Variants in TSHZ2 observed in about 807,000 individuals in gnomAD.
TSHZ2 encodes teashirt homolog 2.
Under a neutral mutation model 74.4 loss-of-function variants are expected in TSHZ2, and 21 were observed. The ratio of observed to expected loss-of-function variants is 0.28; its 90% CI spans 0.20 to 0.41. The LOEUF is 0.41. TSHZ2 is among the 10% of genes least tolerant of loss of function. TSHZ2 has a pLI of 1.00. For synonymous variants in TSHZ2, 540 were observed against 515.3 expected (o/e 1.05, Z -0.65); for missense variants, 1,244 against 1,293.5 (o/e 0.96, Z 0.59).
intron 2 of TSHZ2, among the ~76,000 whole-genome samples, chr20:53,433,396 G>C (rs542894314): frequency 1.7e-3 from 257 of 150,194 alleles, no homozygotes; most frequent in African/African-American, 6.2e-3. Context: ...ACATTAAATG[G>C]GTGTCGTAGC....
chr20:53,234,823 T>C (rs1218674560), intron 1 of TSHZ2, among the ~76,000 whole-genome samples: 1 of 152,158 alleles, frequency 6.6e-6, no homozygotes, highest in Non-Finnish European at 1.5e-5. Flanking sequence ...CATAGAAATC[T>C]GAGGGCCATG....
intron 1 of TSHZ2, among the ~76,000 whole-genome samples, chr20:53,202,686 T>C (rs1254956517): frequency 6.6e-6 from 1 of 152,214 alleles, no homozygotes; most frequent in African/African-American, 2.4e-5. Flanking sequence ...AAATTCTAAA[T>C]CTTTGCTCTT....
chr20:53,126,864 A>G (rs759198257), intron 1 of TSHZ2, among the ~76,000 whole-genome samples: 4 of 152,194 alleles, frequency 2.6e-5, no homozygotes, highest in Non-Finnish European at 4.4e-5. Context: ...AAATCTGAGC[A>G]ATCCATCAGG....
chr20:53,056,681 T>C (rs75023657), intron 1 of TSHZ2, among the ~76,000 whole-genome samples: 2,364 of 152,282 alleles, frequency 0.016, 63 homozygotes, highest in African/African-American at 0.049. Context: ...CAGATTACCA[T>C]CCTGTGTTCT....
intron 1 of TSHZ2, among the ~76,000 whole-genome samples, chr20:53,020,862 G>A (rs1035824612): frequency 2.0e-5 from 3 of 152,180 alleles, no homozygotes; most frequent in South Asian, 2.1e-4. Context: ...CATAGGCTCC[G>A]GAAACAGACC....
intron 2 of TSHZ2, among the ~76,000 whole-genome samples, chr20:53,308,327 T>C (rs1978632925): frequency 6.6e-6 from 1 of 152,180 alleles, no homozygotes; most frequent in African/African-American, 2.4e-5. Context: ...CTTGTTCTTC[T>C]GTAGAGTTCA....
intron 2 of TSHZ2, among the ~76,000 whole-genome samples, chr20:53,336,601 C>T (rs958591419): frequency 1.3e-5 from 2 of 152,148 alleles, no homozygotes; most frequent in African/African-American, 4.8e-5. Flanking sequence ...CACCCATGTT[C>T]TTTCCACCTC....
chr20:53,050,565 G>A (rs1984424723), intron 1 of TSHZ2, among the ~76,000 whole-genome samples: 1 of 152,232 alleles, frequency 6.6e-6, no homozygotes, highest in African/African-American at 2.4e-5. Context: ...AGAGACATTC[G>A]TAGGGAGCTG....
intron 1 of TSHZ2, among the ~76,000 whole-genome samples, chr20:53,220,554 C>T (rs1989529880): frequency 6.6e-6 from 1 of 152,148 alleles, no homozygotes; most frequent in Non-Finnish European, 1.5e-5. Context: ...CACAGCTGTG[C>T]CCCTTTATTG....
At chr20:53,072,343 C>CA (rs1204503090) in intron 1 of TSHZ2, among the ~76,000 whole-genome samples, 1 of 152,158 alleles carries the variant, frequency 6.6e-6, no homozygotes, top group African/African-American at 2.4e-5. Flanking sequence ...GGGTATACCA[C>CA]AAAATCATAA....
chr20:53,316,378 C>T (rs1386001394), intron 2 of TSHZ2, among the ~76,000 whole-genome samples: 3 of 152,102 alleles, frequency 2.0e-5, no homozygotes, highest in African/African-American at 4.8e-5. Flanking sequence ...AAAAAGAACC[C>T]TCCAGGAGCC....
At chr20:53,421,169 T>A (rs1983454773) in intron 2 of TSHZ2, 1 of 152,498 alleles carries the variant, frequency 6.6e-6, no homozygotes, top group African/African-American at 2.4e-5. Context: ...ACTCACTGAC[T>A]CCATCTAAAA....
Position 53,102,567 on chromosome 20 carries a change from T to G in TSHZ2, c.40+129234T>G, listed in dbSNP as rs148449826. ...ACCGTAAAGAGTGAAGGGTGCAATT[T>G]ACGGAGAGTAGAAACAACCTTTGCA... On this transcript the variant is annotated intron_variant, in intron 1 of 2. Coordinates refer to ENST00000371497, the MANE Select transcript of TSHZ2 (RefSeq NM_173485.6). Among the ~76,000 whole-genome samples the G allele has an allele frequency of 1.6e-4, 24 of 152,154 alleles. No homozygotes were observed. In the East Asian group the frequency reaches 3.5e-3, roughly 22 times the overall value.
At chr20:53,050,101 G>GTATATATATA (rs1213487235) in intron 1 of TSHZ2, among the ~76,000 whole-genome samples, 53 of 60,452 alleles carry the variant, frequency 8.8e-4, no homozygotes, top group African/African-American at 7.0e-3. Context: ...ATGTATATGT[G>GTATATATATA]TGTATATATA....
Position 52,988,613 on chromosome 20 carries a change from C to T in TSHZ2, c.40+15280C>T, listed in dbSNP as rs146712226. ...GTAGAAAAAAAAAAAAAAGATCATC[C>T]CTACTTATTTAAATCCCCAAACACC... On this transcript the variant is annotated intron_variant, in intron 1 of 2. Transcript: ENST00000371497. Among the ~76,000 whole-genome samples, 1,199 of 152,104 alleles carry T rather than the reference C, an allele frequency of 7.9e-3. 23 individuals carry two copies. Among genetic ancestry groups the T allele is most frequent in the African/African-American group, 0.027 (1,135 of 41,484 alleles).
At chr20:53,131,157 T>C (rs867256398) in intron 1 of TSHZ2, among the ~76,000 whole-genome samples, 1 of 152,142 alleles carries the variant, frequency 6.6e-6, no homozygotes, top group African/African-American at 2.4e-5. Context: ...CCTGAACGTT[T>C]TGTTATGTGT....
At chr20:53,145,343 A>G (rs1026168955) in intron 1 of TSHZ2, among the ~76,000 whole-genome samples, 8 of 152,346 alleles carry the variant, frequency 5.3e-5, no homozygotes, top group African/African-American at 1.9e-4. Flanking sequence ...CTTTTCCTGC[A>G]CAAGATAATA....
chr20:53,464,463 T>A (rs888475940), intron 2 of TSHZ2, among the ~76,000 whole-genome samples: 3 of 151,748 alleles, frequency 2.0e-5, no homozygotes, highest in Non-Finnish European at 2.9e-5. Flanking sequence ...GGGAAGGAGC[T>A]TGGATTTTTT....
At position 53,262,359 on chromosome 20, in the gene TSHZ2, C is replaced by T. The variant is rs564914603; in HGVS notation, c.*8+5788C>T. Among the ~76,000 whole-genome samples the T allele has an allele frequency of 2.6e-5, 4 of 152,244 alleles. No individual in the cohort carries two copies. The South Asian group carries it at 8.3e-4, about 32-fold the overall frequency. On this transcript the variant is annotated intron_variant, in intron 2 of 2. Coordinates refer to ENST00000371497, the MANE Select transcript of TSHZ2 (RefSeq NM_173485.6). Reference sequence around the variant, plus strand: ...TCTCTAACGCATTGACACTAACTTGCCCTCTATTGTTGGAAATGAGCAGGC... The same window carrying T: ...TCTCTAACGCATTGACACTAACTTGTCCTCTATTGTTGGAAATGAGCAGGC...
Sources: allele counts gnomAD v4.1 joint callset (sites outside exome capture counted in the v4.1 genomes callset), GRCh38; gene constraint gnomAD v4.1.1; transcripts MANE v1.5; gene names NCBI Gene and HGNC (gene_info 2026-07-23, HGNC 2026-07-21).